Variants in FTO observed in about 807,000 individuals in gnomAD.
The protein encoded by FTO is FTO alpha-ketoglutarate dependent dioxygenase.
In FTO, 47 loss-of-function variants were observed where a neutral mutation model predicts 63.9. That is an observed-to-expected ratio of 0.74 (90% confidence interval 0.58 to 0.94). The LOEUF is 0.94. Ranked by LOEUF, FTO falls within the 40% of genes least tolerant of loss-of-function variation. The probability of loss-of-function intolerance (pLI) is 0.00; values close to 1 mark genes in which losing one functional copy is unlikely to be tolerated. For synonymous variants in FTO, 207 were observed against 224.4 expected, an observed-to-expected ratio of 0.92 and a Z score of 0.69; for missense variants, 562 against 618.1, an observed-to-expected ratio of 0.91 and a Z score of 0.96.
At chr16:53,786,402 A>C (rs979471263) in intron 1 of FTO, among the ~76,000 whole-genome samples, 2 of 152,220 alleles carry the variant, frequency 1.3e-5, no homozygotes, top group African/African-American at 4.8e-5. Flanking sequence ...GCAAAATGGC[A>C]ACACACACTC....
chr16:53,723,807 C>G (rs2076092365), intron 1 of FTO, among the ~76,000 whole-genome samples: 1 of 152,132 alleles, frequency 6.6e-6, no homozygotes, highest in Admixed American at 6.5e-5. Context: ...TGCTTGCTGT[C>G]AGCACCTGGT....
chr16:53,731,245 G>C (rs1237133459), intron 1 of FTO, among the ~76,000 whole-genome samples: 1 of 152,162 alleles, frequency 6.6e-6, no homozygotes, highest in South Asian at 2.1e-4. Flanking sequence ...ATCTAGTTTT[G>C]AACTTCTCAA....
intron 8 of FTO, chr16:53,984,917 G>T (rs2083631626): frequency 2.2e-6 from 1 of 454,700 alleles, no homozygotes; most frequent in Admixed American, 2.4e-5. Context: ...GTAAAATGAT[G>T]GAAATGTGTT....
Position 53,790,731 on chromosome 16 carries a change from G to C in FTO, c.46-19409G>C, listed in dbSNP as rs542932375. On this transcript the variant is annotated intron_variant, in intron 1 of 8. Transcript: ENST00000471389. ...TGAAGACAGTTTCAAATATAGGTTT[G>C]GAATGGAGATGAGGACTTCAGAGTT... is the stretch of plus-strand genomic sequence containing the variant. Among the ~76,000 whole-genome samples, 69 of 152,218 alleles carry C rather than the reference G, an allele frequency of 4.5e-4. 1 individual carries two copies. The Middle Eastern group carries it at 0.027, about 60-fold the overall frequency.
intron 8 of FTO, among the ~76,000 whole-genome samples, chr16:54,027,038 T>C (rs1408335672): frequency 6.6e-6 from 1 of 151,942 alleles, no homozygotes; most frequent in African/African-American, 2.4e-5. Flanking sequence ...CCATCTGCAG[T>C]GCACAATTGA....
chr16:53,768,670 G>A (rs1598612805), intron 1 of FTO, among the ~76,000 whole-genome samples: 1 of 152,274 alleles, frequency 6.6e-6, no homozygotes, highest in East Asian at 1.9e-4. Flanking sequence ...AGTCATTTTG[G>A]GGGTGGTTTA....
rs1002215907 is a variant in FTO at position 54,105,834 on chromosome 16, T to C, written c.1365-5928T>C. Among the ~76,000 whole-genome samples the C allele has an allele frequency of 4.6e-5, 7 of 151,428 alleles. No individual in the cohort carries two copies. The South Asian group carries it at 1.0e-3, about 23-fold the overall frequency. ...GTGTGTATGTTACATTTGCTTATTCTGATGAATCTTTCAGCAGAAACCATT... is the reference window on the plus strand; with the variant it reads ...GTGTGTATGTTACATTTGCTTATTCCGATGAATCTTTCAGCAGAAACCATT... On this transcript the variant is annotated intron_variant, in intron 8 of 8. Coordinates refer to ENST00000471389, the MANE Select transcript of FTO (RefSeq NM_001080432.3).
At chr16:53,752,736 G>T (rs1250908221) in intron 1 of FTO, among the ~76,000 whole-genome samples, 1 of 152,142 alleles carries the variant, frequency 6.6e-6, no homozygotes, top group Non-Finnish European at 1.5e-5. Context: ...TTCTAACCCA[G>T]CTGTGTGGCA....
At chr16:53,817,370 G>A (rs1169320442) in intron 2 of FTO, among the ~76,000 whole-genome samples, 1 of 152,142 alleles carries the variant, frequency 6.6e-6, no homozygotes, top group Non-Finnish European at 1.5e-5. Flanking sequence ...TAGCCCGTTA[G>A]TCATCGGATG....
intron 1 of FTO, among the ~76,000 whole-genome samples, chr16:53,707,841 A>G (rs1048435112): frequency 6.6e-6 from 1 of 152,238 alleles, no homozygotes; most frequent in Middle Eastern, 3.2e-3. Context: ...GAACAGTTCC[A>G]TTCCAGAAGA....
intron 8 of FTO, among the ~76,000 whole-genome samples, chr16:54,004,658 G>A (rs924407226): frequency 5.9e-5 from 9 of 152,094 alleles, no homozygotes; most frequent in African/African-American, 2.2e-4. Flanking sequence ...TCAAAAATGG[G>A]ACATGTCACA....
At chr16:53,827,433 A>T (rs2079036054) in intron 3 of FTO, among the ~76,000 whole-genome samples, 1 of 152,202 alleles carries the variant, frequency 6.6e-6, no homozygotes, top group Non-Finnish European at 1.5e-5. Flanking sequence ...AGAATTCTGG[A>T]TATCCCATCA....
At position 53,888,986 on chromosome 16, in the gene FTO, G is replaced by T. The variant is rs369887258; in HGVS notation, c.1239+35G>T. On this transcript the variant is annotated intron_variant, in intron 7 of 8. Transcript: ENST00000471389. ...TCAGACCTGGGACCGTGTTTTCTGG[G>T]CTGCTGTGTTATACAAATCCTCCAC... The T allele has an allele frequency of 1.7e-5, 28 of 1,611,630 alleles. No individual in the cohort carries two copies. The African/African-American group carries it at 2.5e-4, about 15-fold the overall frequency.
intron 7 of FTO, among the ~76,000 whole-genome samples, chr16:53,909,778 G>A (rs973863825): frequency 1.3e-5 from 2 of 151,892 alleles, no homozygotes; most frequent in Admixed American, 1.3e-4. Flanking sequence ...TGGCCAGGCT[G>A]GTCTCGAACT....
chr16:53,981,984 G>A (rs1171555923), intron 8 of FTO: 5 of 152,032 alleles, frequency 3.3e-5, no homozygotes, highest in African/African-American at 1.2e-4. Flanking sequence ...GGAGGCTGAG[G>A]CGGTAGAATC....
intron 8 of FTO, among the ~76,000 whole-genome samples, chr16:54,018,384 T>TGATAGATAGATA (rs5816918): frequency 0.17 from 15,950 of 91,978 alleles, 1,090 homozygotes; most frequent in Middle Eastern, 0.2. Flanking sequence ...GATAGATAGA[T>TGATAGATAGATA]GATAGATAGA....
At chr16:53,963,135 C>A (rs1178562364) in intron 8 of FTO, among the ~76,000 whole-genome samples, 1 of 152,152 alleles carries the variant, frequency 6.6e-6, no homozygotes, top group East Asian at 1.9e-4. Context: ...GATGCACATT[C>A]ATTCTTGTCT....
chr16:54,010,362 C>A (rs934438524), intron 8 of FTO, among the ~76,000 whole-genome samples: 1 of 152,108 alleles, frequency 6.6e-6, no homozygotes, highest in Non-Finnish European at 1.5e-5. Flanking sequence ...GCCAAGATTG[C>A]GCCACTACCC....
At chr16:53,794,573 C>A (rs1206845658) in intron 1 of FTO, among the ~76,000 whole-genome samples, 2 of 152,084 alleles carry the variant, frequency 1.3e-5, no homozygotes, top group Admixed American at 6.6e-5. Flanking sequence ...AGTTGTCAAT[C>A]CTATAAAAGG....
Sources: allele counts gnomAD v4.1 joint callset (sites outside exome capture counted in the v4.1 genomes callset), GRCh38; gene constraint gnomAD v4.1.1; transcripts MANE v1.5; gene names NCBI Gene and HGNC (gene_info 2026-07-23, HGNC 2026-07-21).